PRKCA: variants seen among roughly 807,000 people sequenced by gnomAD.
PRKCA encodes protein kinase C alpha type.
PRKCA carries 27 observed loss-of-function variants against 87.0 expected under a neutral mutation model. The observed-to-expected ratio is 0.31, with a 90% CI of 0.23 to 0.43. The LOEUF (loss-of-function observed/expected upper bound fraction) is 0.43, where lower values mean the gene tolerates loss of function less well. Among genes scored for constraint, PRKCA ranks in the 20% least tolerant of loss-of-function variants. The pLI, the probability that PRKCA is intolerant of heterozygous loss-of-function variation, is 1.00. For synonymous variants in PRKCA, 329 were observed against 311.1 expected (o/e 1.06, Z -0.61); for missense variants, 518 against 852.3 (o/e 0.61, Z 4.88).
At chr17:66,618,159 A>G (rs1970565538) in intron 3 of PRKCA, among the ~76,000 whole-genome samples, 1 of 152,140 alleles carries the variant, frequency 6.6e-6, no homozygotes, top group Admixed American at 6.5e-5. Context: ...GTTCGAGACC[A>G]GCCTGACCAA....
intron 3 of PRKCA, among the ~76,000 whole-genome samples, chr17:66,554,880 C>CTTTT (rs565435672): frequency 7.2e-6 from 1 of 138,524 alleles, no homozygotes; most frequent in Non-Finnish European, 1.6e-5. Context: ...ATTGTAAATT[C>CTTTT]TTTTTTTTTT....
chr17:66,417,853 G>T (rs1912247944), intron 2 of PRKCA, among the ~76,000 whole-genome samples: 1 of 152,026 alleles, frequency 6.6e-6, no homozygotes. Flanking sequence ...CCATTCTTTG[G>T]TTCACAGTCC....
chr17:66,582,673 G>T (rs780238891), intron 3 of PRKCA, among the ~76,000 whole-genome samples: 1 of 152,120 alleles, frequency 6.6e-6, no homozygotes, highest in Admixed American at 6.5e-5. Flanking sequence ...TATTAGCAGC[G>T]TGAGAGCAGA....
At chr17:66,634,822 A>C (rs776949250) in intron 3 of PRKCA, among the ~76,000 whole-genome samples, 8 of 152,204 alleles carry the variant, frequency 5.3e-5, no homozygotes, top group Non-Finnish European at 8.8e-5. Flanking sequence ...GTTCGGCAGC[A>C]TCCTTTAGGA....
At chr17:66,370,372 C>T (rs1050385817) in intron 2 of PRKCA, among the ~76,000 whole-genome samples, 8 of 151,094 alleles carry the variant, frequency 5.3e-5, no homozygotes, top group African/African-American at 1.5e-4. Flanking sequence ...GCTGGGACTA[C>T]GGGTGCACAC....
At chr17:66,316,435 C>T (rs773513277) in intron 2 of PRKCA, among the ~76,000 whole-genome samples, 15 of 152,204 alleles carry the variant, frequency 9.9e-5, no homozygotes, top group African/African-American at 2.6e-4. Flanking sequence ...CTTGTTCAAC[C>T]GGTGGGCCGC....
chr17:66,386,004 CCCACCT>C (rs1208971121), intron 2 of PRKCA, among the ~76,000 whole-genome samples: 6 of 151,122 alleles, frequency 4.0e-5, no homozygotes, highest in African/African-American at 1.5e-4. Context: ...AGGCGATCCG[CCCACCT>C]CGGCCTCCCA....
In PRKCA at chr17:66,781,895, T is replaced by TATA. The variant is rs1568030817; in HGVS notation, c.1606-4972_1606-4971insATA. ...TATATATATATATATATAGTGTGTG[T>TATA]GTGTGTGTGTGTGTGTGTGTGTGAG... On this transcript the variant is annotated intron_variant, in intron 14 of 16. Coordinates refer to ENST00000413366, the MANE Select transcript of PRKCA (RefSeq NM_002737.3). Among the ~76,000 whole-genome samples the TATA allele has an allele frequency of 6.6e-4, 94 of 143,314 alleles. No individual in the cohort carries two copies. In the East Asian group the frequency reaches 0.018, roughly 27 times the overall value. 94.0% of individuals were successfully genotyped at this position (143,314 alleles called of 152,430 possible).
intron 15 of PRKCA, among the ~76,000 whole-genome samples, chr17:66,787,675 C>T (rs1289300953): frequency 3.3e-5 from 5 of 152,168 alleles, no homozygotes; most frequent in African/African-American, 2.4e-5. Context: ...GTTTCCACCA[C>T]CCTGGAAGCC....
intron 9 of PRKCA, among the ~76,000 whole-genome samples, chr17:66,733,280 G>A (rs1973948851): frequency 6.6e-6 from 1 of 152,136 alleles, no homozygotes; most frequent in African/African-American, 2.4e-5. Context: ...AAAGTCTATG[G>A]TGTGAAATGA....
At chr17:66,622,184 G>A (rs1970705408) in intron 3 of PRKCA, among the ~76,000 whole-genome samples, 1 of 152,128 alleles carries the variant, frequency 6.6e-6, no homozygotes, top group African/African-American at 2.4e-5. Flanking sequence ...GAGAGACCTT[G>A]TCTGTCAAAG....
intron 14 of PRKCA, chr17:66,774,351 T>C: frequency 8.2e-7 from 1 of 1,226,176 alleles, no homozygotes; most frequent in Non-Finnish European, 1.0e-6. Context: ...CCAGGCGCGG[T>C]GGCTCATGGC....
intron 13 of PRKCA, among the ~76,000 whole-genome samples, chr17:66,751,903 A>T (rs749938436): frequency 6.6e-6 from 1 of 152,232 alleles, no homozygotes; most frequent in African/African-American, 2.4e-5. Context: ...TCAAACAACC[A>T]GATCTCATGA....
chr17:66,606,731 G>GA (rs1970220318), intron 3 of PRKCA, among the ~76,000 whole-genome samples: 1 of 152,110 alleles, frequency 6.6e-6, no homozygotes, highest in South Asian at 2.1e-4. Context: ...ACTACTCTTA[G>GA]AAATCAGTGG....
chr17:66,464,828 G>C (rs1915012964), intron 2 of PRKCA, among the ~76,000 whole-genome samples: 1 of 151,838 alleles, frequency 6.6e-6, no homozygotes. Context: ...TGATTCTTTT[G>C]ACAGTGTCTT....
intron 3 of PRKCA, among the ~76,000 whole-genome samples, chr17:66,543,224 G>T (rs1968043550): frequency 6.6e-6 from 1 of 152,154 alleles, no homozygotes; most frequent in Non-Finnish European, 1.5e-5. Context: ...TATATAAAAT[G>T]TAAGTCTGGG....
intron 3 of PRKCA, among the ~76,000 whole-genome samples, chr17:66,574,924 CT>C (rs780933015): frequency 1.8e-4 from 27 of 152,164 alleles, no homozygotes; most frequent in Non-Finnish European, 3.4e-4. Context: ...AATGGGGTCT[CT>C]CCCTCTCTGA....
chr17:66,309,921 C>G (rs1905010019), intron 2 of PRKCA, among the ~76,000 whole-genome samples: 1 of 152,154 alleles, frequency 6.6e-6, no homozygotes, highest in African/African-American at 2.4e-5. Flanking sequence ...CTTGCACTGG[C>G]TACTTCCAAA....
intron 3 of PRKCA, among the ~76,000 whole-genome samples, chr17:66,623,812 G>A (rs1376664195): frequency 3.3e-5 from 5 of 152,164 alleles, no homozygotes; most frequent in African/African-American, 1.2e-4. Flanking sequence ...GCACAGTTGA[G>A]TTGAGCCCTG....
Sources: allele counts gnomAD v4.1 joint callset (sites outside exome capture counted in the v4.1 genomes callset), GRCh38; gene constraint gnomAD v4.1.1; transcripts MANE v1.5; gene names NCBI Gene and HGNC (gene_info 2026-07-23, HGNC 2026-07-21).